MAPKAPK2: variants seen among roughly 807,000 people sequenced by gnomAD.
The protein encoded by MAPKAPK2 is MAP kinase-activated protein kinase 2.
Under a neutral mutation model 48.8 loss-of-function variants are expected in MAPKAPK2, and 9 were observed. The ratio of observed to expected loss-of-function variants is 0.18; its 90% CI spans 0.11 to 0.32. The LOEUF (loss-of-function observed/expected upper bound fraction) is 0.32, where lower values mean the gene tolerates loss of function less well. Ranked by LOEUF, MAPKAPK2 falls within the 10% of genes least tolerant of loss-of-function variation. The pLI, the probability that MAPKAPK2 is intolerant of heterozygous loss-of-function variation, is 1.00. For synonymous variants in MAPKAPK2, 202 were observed against 190.6 expected (o/e 1.06, Z -0.49); for missense variants, 331 against 498.3 (o/e 0.66, Z 3.20).
At position 206,731,778 on chromosome 1, in the gene MAPKAPK2, CAG is replaced by C. The variant is rs1320489097; in HGVS notation, c.978+56_978+57del. ...GGTCTCACGGGACTATTCCACAGGA[CAG>C]AGTCTTAGCCAGGACCCTACCCCAG... On this transcript the variant is annotated intron_variant, in intron 8 of 9. Transcript: ENST00000367103. This position sits in a 1 kb window ranked among gnomAD's most constrained non-coding sequence, Gnocchi z 5.9. 1 of 1,610,628 alleles carries C rather than the reference CAG, an allele frequency of 6.2e-7. No homozygotes were observed.
At chr1:206,708,219 CT>C (rs1553428901) in intron 1 of MAPKAPK2, among the ~76,000 whole-genome samples, 3 of 152,232 alleles carry the variant, frequency 2.0e-5, no homozygotes, top group Non-Finnish European at 4.4e-5. Context: ...CCGCAGGCCC[CT>C]GTGTTGGCTG....
At chr1:206,692,188 TGCTTG>T (rs1201307295) in intron 1 of MAPKAPK2, among the ~76,000 whole-genome samples, 2 of 151,334 alleles carry the variant, frequency 1.3e-5, no homozygotes, top group Admixed American at 6.6e-5. Context: ...ACTGTCTCCT[TGCTTG>T]GCTTTGTCTT....
chr1:206,694,209 C>T (rs1553426675), intron 1 of MAPKAPK2, among the ~76,000 whole-genome samples: 2 of 152,188 alleles, frequency 1.3e-5, no homozygotes, highest in African/African-American at 2.4e-5. Flanking sequence ...GGCTCTATGT[C>T]TGCTTTCAGG....
intron 1 of MAPKAPK2, among the ~76,000 whole-genome samples, chr1:206,708,660 G>T (rs1185807202): frequency 4.6e-5 from 7 of 152,084 alleles, no homozygotes; most frequent in African/African-American, 1.7e-4. Context: ...AACTCTTAAG[G>T]TATCACCTGA....
chr1:206,729,345 G>A, intron 3 of MAPKAPK2, 51 bp from the exon 4 acceptor site: 4 of 1,476,804 alleles, frequency 2.7e-6, no homozygotes, highest in Non-Finnish European at 3.8e-6. Flanking sequence ...CAAGCCTAAT[G>A]ATGTGTCTTT....
chr1:206,697,314 AC>A (rs1390010953), intron 1 of MAPKAPK2, among the ~76,000 whole-genome samples: 2 of 152,206 alleles, frequency 1.3e-5, no homozygotes, highest in Admixed American at 1.3e-4. Context: ...TGCAAGAGGG[AC>A]GAGTGTTAAA....
Position 206,731,758 on chromosome 1 carries a change from C to CA in MAPKAPK2, c.978+34dup. 6.2e-7 allele frequency: 1 copy of CA among 1,612,048 alleles called. No individual in the cohort carries two copies. Among genetic ancestry groups the CA allele is most frequent in the Non-Finnish European group, 8.5e-7 (1 of 1,178,118 alleles). On this transcript the variant is annotated intron_variant, in intron 8 of 9. Transcript: ENST00000367103. The surrounding 1 kb of genome is among the most constrained non-coding windows in gnomAD (Gnocchi z 5.9). ...CGGCAGGCTGGGGAGCCTTGGGTCT[C>CA]ACGGGACTATTCCACAGGACAGAGT...
At position 206,728,802 on chromosome 1, in the gene MAPKAPK2, C is replaced by T. The variant is rs782726803; in HGVS notation, c.372C>T (p.Tyr124=). ...CPHIVRIVDV[Y]ENLYAGRKCL... Reference sequence around the variant, plus strand: ...ACATCGTACGGATCGTGGATGTGTACGAGAATCTGTACGCAGGGAGGAAGT... The same window carrying T: ...ACATCGTACGGATCGTGGATGTGTATGAGAATCTGTACGCAGGGAGGAAGT... Residue 124 remains tyrosine (Y), a synonymous_variant, in exon 2 of 10, where the codon TAC becomes TAT. Transcript: ENST00000367103. 52 of 1,614,006 alleles carry T rather than the reference C, an allele frequency of 3.2e-5. No individual in the cohort carries two copies. Among genetic ancestry groups the T allele is most frequent in the East Asian group, 6.7e-5 (3 of 44,892 alleles).
rs1553432846 is a variant in MAPKAPK2, at chr1:206,732,266, G to A, written c.1060-309G>A. 2 of 1,468,852 alleles carry A rather than the reference G, an allele frequency of 1.4e-6. No individual in the cohort carries two copies. The highest frequency in any genetic ancestry group is 2.4e-4 in the Middle Eastern group (1 of 4,086). The allele number at this position is 1,468,852 out of a possible 1,614,324, so 91.0% of individuals were successfully genotyped here. Reference sequence around the variant, plus strand: ...GCTCAAGGTCACGCAGCTGGTGACTGGTTGGGGCAGACCGGACCCAGGTTT... The same window carrying A: ...GCTCAAGGTCACGCAGCTGGTGACTAGTTGGGGCAGACCGGACCCAGGTTT... On this transcript the variant is annotated intron_variant, in intron 9 of 9. Coordinates refer to ENST00000367103, the MANE Select transcript of MAPKAPK2 (RefSeq NM_032960.4). This position sits in a 1 kb window ranked among gnomAD's most constrained non-coding sequence, Gnocchi z 4.4.
intron 1 of MAPKAPK2, chr1:206,696,279 T>C (rs1553427045): frequency 1.7e-6 from 2 of 1,161,328 alleles, no homozygotes; most frequent in Non-Finnish European, 2.6e-6. Flanking sequence ...TTTCTGCATG[T>C]TGTTTCCAGA....
At position 206,732,517 on chromosome 1, in the gene MAPKAPK2, C is replaced by G; in HGVS notation, c.1060-58C>G. On this transcript the variant is annotated intron_variant, in intron 9 of 9. Coordinates refer to ENST00000367103, the MANE Select transcript of MAPKAPK2 (RefSeq NM_032960.4). This position sits in a 1 kb window ranked among gnomAD's most constrained non-coding sequence, Gnocchi z 4.4. ...GTCTCTCACGTCTCTCTTCTGCTGT[C>G]TCTCCTACCTGTCTTCTGGCTCTCT... is the stretch of plus-strand genomic sequence containing the variant. 1 of 1,598,232 alleles carries G rather than the reference C, an allele frequency of 6.3e-7. No individual in the cohort carries two copies. The highest frequency in any genetic ancestry group is 1.1e-5 in the South Asian group (1 of 89,550).
chr1:206,730,656 C>G (rs782686003), intron 5 of MAPKAPK2, 32 bp from the exon 6 acceptor site: 1 of 1,592,090 alleles, frequency 6.3e-7, no homozygotes, highest in Non-Finnish European at 8.6e-7. Context: ...GTTCTGAGGG[C>G]CGGCCCACCC....
chr1:206,708,963 T>G (rs1170632803), intron 1 of MAPKAPK2, among the ~76,000 whole-genome samples: 1 of 152,248 alleles, frequency 6.6e-6, no homozygotes, highest in Non-Finnish European at 1.5e-5. Context: ...TGTATAGATA[T>G]GATAAAATTT....
At chr1:206,729,231 C>T in intron 3 of MAPKAPK2, 132 bp downstream of exon 3, 1 of 1,137,980 alleles carries the variant, frequency 8.8e-7, no homozygotes, top group South Asian at 1.3e-5. Context: ...GCAAGGGGTG[C>T]CTCAGCTGAC....
intron 1 of MAPKAPK2, among the ~76,000 whole-genome samples, chr1:206,691,850 C>T (rs1469030006): frequency 2.0e-5 from 3 of 152,140 alleles, no homozygotes; most frequent in East Asian, 3.8e-4. Flanking sequence ...GTGCCTGGCT[C>T]CAGGGCAGCC....
chr1:206,720,275 A>G (rs1213328770), intron 1 of MAPKAPK2, among the ~76,000 whole-genome samples: 1 of 152,240 alleles, frequency 6.6e-6, no homozygotes, highest in Non-Finnish European at 1.5e-5. Flanking sequence ...AGACATAATA[A>G]AGGAAATTAA....
At chr1:206,695,763 TC>T in intron 1 of MAPKAPK2, 2 of 213,672 alleles carry the variant, frequency 9.4e-6, no homozygotes, top group Non-Finnish European at 1.7e-5. Flanking sequence ...GGCATCTCTC[TC>T]TCTCTCTCTT....
Position 206,732,879 on chromosome 1 carries a change from C to T in MAPKAPK2, c.*161C>T, listed in dbSNP as rs1320584426. On this transcript the variant is annotated 3_prime_UTR_variant, in exon 10 of 10. Transcript: ENST00000367103. The surrounding 1 kb of genome is among the most constrained non-coding windows in gnomAD (Gnocchi z 4.4). Reference sequence around the variant, plus strand: ...GACTGAATTCTGCCTTGGTTCTGGCCACCCCAGAGTGGGAGAGGCTGGGAG... The same window carrying T: ...GACTGAATTCTGCCTTGGTTCTGGCTACCCCAGAGTGGGAGAGGCTGGGAG... 4 of 841,630 alleles carry T rather than the reference C, an allele frequency of 4.8e-6. No homozygotes were observed. The highest frequency in any genetic ancestry group is 7.1e-6 in the Non-Finnish European group (4 of 561,264). The allele number at this position is 841,630 out of a possible 1,614,324, so 52.1% of individuals were successfully genotyped here. A position where few individuals can be genotyped will look rare whatever the true frequency, so the allele number is the denominator to read the frequency against.
intron 2 of MAPKAPK2, 73 bp from the exon 3 acceptor site, chr1:206,728,962 G>A: frequency 6.2e-7 from 1 of 1,611,736 alleles, no homozygotes; most frequent in Non-Finnish European, 8.5e-7. Context: ...GTAAACACTT[G>A]ATTTTTTGGG....
Sources: gnomAD v4.1 joint callset for allele counts (sites outside exome capture counted in the v4.1 genomes callset) on GRCh38, gnomAD v4.1.1 for gene constraint, Gnocchi (gnomAD v3.1) non-coding constraint, MANE v1.5 for transcripts, NCBI Gene and HGNC (gene_info 2026-07-23, HGNC 2026-07-21) for gene names.